Variants in PLGRKT observed in about 807,000 individuals in gnomAD.
PLGRKT encodes plasminogen receptor with a C-terminal lysine, also known as plasminogen receptor (KT).
PLGRKT carries 22 observed loss-of-function variants against 18.5 expected under a neutral mutation model. The observed-to-expected ratio is 1.19, with a 90% CI of 0.85 to 1.70. The LOEUF (loss-of-function observed/expected upper bound fraction) is 1.70, where lower values mean the gene tolerates loss of function less well. PLGRKT is among the 40% of genes most tolerant of loss of function. PLGRKT has a pLI of 0.00. For missense variants in PLGRKT, 235 were observed against 174.4 expected (o/e 1.35, Z -1.96); for synonymous variants, 72 against 52.8 (o/e 1.36, Z -1.58).
intron 3 of PLGRKT, among the ~76,000 whole-genome samples, chr9:5,394,411 T>C (rs1350857726): frequency 6.6e-6 from 1 of 151,758 alleles, no homozygotes; most frequent in Non-Finnish European, 1.5e-5. Flanking sequence ...GAGAAGTTTT[T>C]TGTTTGTTTG....
rs960828438 is a variant in PLGRKT, at chr9:5,404,437, A to T, written c.81+27460T>A. ...AAAAAGCTTATCCATCCCAATCAAG[A>T]TGGCTTTATCCCCAGGATGCAAGGG... On this transcript the variant is annotated intron_variant, in intron 3 of 5. Transcript: ENST00000223864. Among the ~76,000 whole-genome samples, 107 of 152,222 alleles carry T rather than the reference A, an allele frequency of 7.0e-4. 1 individual carries two copies. Among genetic ancestry groups the T allele is most frequent in the African/African-American group, 2.5e-3 (105 of 41,458 alleles).
intron 3 of PLGRKT, among the ~76,000 whole-genome samples, chr9:5,365,360 C>G (rs1169174031): frequency 1.3e-5 from 2 of 152,094 alleles, no homozygotes; most frequent in East Asian, 3.8e-4. Flanking sequence ...GGATTATAAC[C>G]TAAAGTACAA....
chr9:5,394,072 C>T (rs1817998891), intron 3 of PLGRKT, among the ~76,000 whole-genome samples: 1 of 151,742 alleles, frequency 6.6e-6, no homozygotes, highest in South Asian at 2.1e-4. Flanking sequence ...TCATTAACAC[C>T]AAGTTTCATA....
At chr9:5,409,478 G>A (rs902119489) in intron 3 of PLGRKT, among the ~76,000 whole-genome samples, 2 of 152,176 alleles carry the variant, frequency 1.3e-5, no homozygotes, top group South Asian at 2.1e-4. Context: ...TCCTTAGCCT[G>A]CAGATGGCCT....
chr9:5,434,335 C>A (rs1166955590), intron 2 of PLGRKT, among the ~76,000 whole-genome samples: 3 of 140,372 alleles, frequency 2.1e-5, no homozygotes, highest in Non-Finnish European at 1.5e-5. Flanking sequence ...CCTGGCCACC[C>A]CGTCTGGGAG....
chr9:5,438,348 G>A (rs145578003), upstream of PLGRKT, among the ~76,000 whole-genome samples: 9 of 152,248 alleles, frequency 5.9e-5, no homozygotes, highest in South Asian at 6.2e-4. Flanking sequence ...TTGAATTGTT[G>A]GCACTCTGTT....
At chr9:5,419,522 C>T (rs926227842) in intron 3 of PLGRKT, among the ~76,000 whole-genome samples, 3 of 151,996 alleles carry the variant, frequency 2.0e-5, no homozygotes, top group Non-Finnish European at 2.9e-5. Context: ...GGCCAGCGGC[C>T]GCCGCGAGCC....
chr9:5,416,764 G>C (rs1277362521), intron 3 of PLGRKT, among the ~76,000 whole-genome samples: 1 of 152,188 alleles, frequency 6.6e-6, no homozygotes, highest in Non-Finnish European at 1.5e-5. Context: ...CCCATTGTTT[G>C]CATGGAAGGG....
chr9:5,416,193 A>G (rs960891826), intron 3 of PLGRKT, among the ~76,000 whole-genome samples: 1 of 151,996 alleles, frequency 6.6e-6, no homozygotes, highest in Non-Finnish European at 1.5e-5. Context: ...AAGTCTAATA[A>G]TACTTCAGAT....
chr9:5,399,221 A>G (rs1330447490), intron 3 of PLGRKT, among the ~76,000 whole-genome samples: 4 of 151,908 alleles, frequency 2.6e-5, no homozygotes, highest in African/African-American at 9.7e-5. Context: ...TATGTGAGTA[A>G]TTAAATATTT....
intron 3 of PLGRKT, among the ~76,000 whole-genome samples, chr9:5,407,060 T>G (rs1818271614): frequency 6.6e-6 from 1 of 152,196 alleles, no homozygotes; most frequent in African/African-American, 2.4e-5. Flanking sequence ...CTTTGAGGTC[T>G]TCATGTATAA....
chr9:5,393,889 A>T (rs1817994643), intron 3 of PLGRKT, among the ~76,000 whole-genome samples: 1 of 151,958 alleles, frequency 6.6e-6, no homozygotes, highest in Admixed American at 6.5e-5. Flanking sequence ...AGGCCTATCA[A>T]ATACAAATAT....
intron 3 of PLGRKT, among the ~76,000 whole-genome samples, chr9:5,424,562 C>A (rs986147689): frequency 8.0e-6 from 1 of 125,548 alleles, no homozygotes; most frequent in Non-Finnish European, 1.6e-5. Flanking sequence ...TTATATAATA[C>A]AATATAATAT....
At chr9:5,362,455 G>A (rs1454969126) in intron 3 of PLGRKT, among the ~76,000 whole-genome samples, 1 of 152,120 alleles carries the variant, frequency 6.6e-6, no homozygotes, top group Non-Finnish European at 1.5e-5. Flanking sequence ...TGAACAGAAG[G>A]CAGATGGCTC....
chr9:5,394,279 T>C (rs1299852454), intron 3 of PLGRKT, among the ~76,000 whole-genome samples: 1 of 151,846 alleles, frequency 6.6e-6, no homozygotes, highest in Non-Finnish European at 1.5e-5. Context: ...GAGGCAGACA[T>C]ATTTACTAGT....
intron 3 of PLGRKT, among the ~76,000 whole-genome samples, chr9:5,406,580 G>C (rs1818261679): frequency 6.6e-6 from 1 of 151,882 alleles, no homozygotes; most frequent in African/African-American, 2.4e-5. Context: ...AGACAGGGAG[G>C]GGAACAACAT....
intron 3 of PLGRKT, chr9:5,382,085 A>G: frequency 1.3e-6 from 1 of 765,122 alleles, no homozygotes; most frequent in Non-Finnish European, 1.6e-6. Context: ...TCTTAGAGAA[A>G]TTCAGAATTA....
chr9:5,429,036 T>C (rs1818760996), intron 3 of PLGRKT, among the ~76,000 whole-genome samples: 1 of 152,100 alleles, frequency 6.6e-6, no homozygotes, highest in African/African-American at 2.4e-5. Flanking sequence ...GGAAAGTAAC[T>C]GAATTCAACT....
chr9:5,393,746 A>G (rs1817992348), intron 3 of PLGRKT, among the ~76,000 whole-genome samples: 1 of 151,872 alleles, frequency 6.6e-6, no homozygotes, highest in Admixed American at 6.6e-5. Context: ...AGCTACCTCA[A>G]AGAATTAAGT....
Sources: gnomAD v4.1 joint callset for allele counts (sites outside exome capture counted in the v4.1 genomes callset) on GRCh38, gnomAD v4.1.1 for gene constraint, MANE v1.5 for transcripts, NCBI Gene and HGNC (gene_info 2026-07-23, HGNC 2026-07-21) for gene names.